The following TMPRSS9 variants were observed in gnomAD, a reference collection of about 807,000 sequenced individuals.
TMPRSS9 encodes transmembrane protease serine 9.
A neutral mutation model predicts 111.4 loss-of-function variants in TMPRSS9; 113 were observed. The ratio of observed to expected loss-of-function variants is 1.01; its 90% CI spans 0.87 to 1.19. The LOEUF (loss-of-function observed/expected upper bound fraction) is 1.19, where lower values mean the gene tolerates loss of function less well. Among genes scored for constraint, TMPRSS9 ranks in the 50% most tolerant of loss-of-function variants. TMPRSS9 has a pLI of 0.00. For synonymous variants in TMPRSS9, 805 were observed against 659.1 expected (o/e 1.22, Z -3.39); for missense variants, 1,803 against 1,513.1 (o/e 1.19, Z -3.18).
intron 1 of TMPRSS9, among the ~76,000 whole-genome samples, chr19:2,370,527 G>C (rs150956824): frequency 6.6e-6 from 1 of 151,666 alleles, no homozygotes; most frequent in Non-Finnish European, 1.5e-5. Flanking sequence ...TGGGGGTCTC[G>C]CTATGTTCCT....
chr19:2,404,008 AAG>A lies in TMPRSS9; in HGVS notation c.670+815_670+816del, dbSNP rs1491066781. Among the ~76,000 whole-genome samples the A allele has an allele frequency of 9.2e-4, 138 of 150,242 alleles. 4 individuals carry two copies. The highest frequency in any genetic ancestry group is 2.2e-3 in the African/African-American group (90 of 40,958). ...CTCTGTCTCAAAAAAAAAAAAAAAA[AAG>A]AAAAAAAAATTAGCCAGCGTGGTGG... On this transcript the variant is annotated intron_variant, in intron 6 of 17. Transcript: ENST00000648592.
intron 1 of TMPRSS9, among the ~76,000 whole-genome samples, chr19:2,394,659 A>C (rs909434644): frequency 6.6e-6 from 1 of 152,126 alleles, no homozygotes; most frequent in African/African-American, 2.4e-5. Context: ...TATTCTATCT[A>C]CTGAATATAT....
At chr19:2,368,774 G>GTTTGTTTTTTTTTTTTTTTTTTTTTT (rs1970265977) in intron 1 of TMPRSS9, among the ~76,000 whole-genome samples, 2 of 70,366 alleles carry the variant, frequency 2.8e-5, no homozygotes, top group African/African-American at 1.2e-4. Flanking sequence ...GATAAACCCA[G>GTTTGTTTTTTTTTTTTTTTTTTTTTT]TTTTTTTTTT....
exon 17 of TMPRSS9, chr19:2,425,379 G>A: frequency 6.5e-7 from 1 of 1,538,932 alleles, no homozygotes; most frequent in Non-Finnish European, 8.7e-7. Context: ...GGCAGCTGCA[G>A]AAGGCGGCCG....
chr19:2,414,784 T>C (rs1971184764), intron 10 of TMPRSS9, among the ~76,000 whole-genome samples: 1 of 149,948 alleles, frequency 6.7e-6, no homozygotes, highest in Non-Finnish European at 1.5e-5. Context: ...GGAGAATCGC[T>C]TGAACCCAGG....
exon 14 of TMPRSS9, chr19:2,421,967 G>T: frequency 6.2e-7 from 1 of 1,613,208 alleles, no homozygotes; most frequent in Non-Finnish European, 8.5e-7. Flanking sequence ...GCGTGTACAC[G>T]CGCATCACCA....
At chr19:2,413,012 G>C (rs1270942469) in intron 9 of TMPRSS9, among the ~76,000 whole-genome samples, 2 of 152,066 alleles carry the variant, frequency 1.3e-5, no homozygotes, top group Admixed American at 1.3e-4. Context: ...TGGCCAACAT[G>C]GTGAAACCCC....
chr19:2,424,205 G>A (rs1971539524), exon 15 of TMPRSS9: 2 of 1,453,006 alleles, frequency 1.4e-6, no homozygotes, highest in Non-Finnish European at 9.1e-7. Context: ...CCGTTGCGGG[G>A]CCGTGCTGGT....
intron 1 of TMPRSS9, among the ~76,000 whole-genome samples, chr19:2,373,442 C>A (rs1970305703): frequency 6.6e-6 from 1 of 151,734 alleles, no homozygotes; most frequent in African/African-American, 2.4e-5. Context: ...GTTGGCCAGG[C>A]TGGTCTCAAA....
At chr19:2,396,777 A>T in intron 2 of TMPRSS9, 111 bp downstream of exon 3, 1 of 1,426,144 alleles carries the variant, frequency 7.0e-7, no homozygotes. Flanking sequence ...AACGAAGCTG[A>T]GGTGGAGGCT....
At chr19:2,403,188 G>T in exon 6 of TMPRSS9, 1 of 1,606,050 alleles carries the variant, frequency 6.2e-7, no homozygotes, top group Non-Finnish European at 8.5e-7. Context: ...CCGACGAGGC[G>T]CACTGCGGTC....
chr19:2,413,050 C>T (rs911124961), intron 9 of TMPRSS9, among the ~76,000 whole-genome samples: 11 of 152,030 alleles, frequency 7.2e-5, no homozygotes, highest in African/African-American at 2.7e-4. Flanking sequence ...AAGAAATTAG[C>T]CGGGCGTGGT....
At chr19:2,361,973 TCTGTGTGG>T (rs1970202859) in intron 1 of TMPRSS9, among the ~76,000 whole-genome samples, 1 of 152,230 alleles carries the variant, frequency 6.6e-6, no homozygotes, top group Admixed American at 6.5e-5. Flanking sequence ...GGGTGAGTTG[TCTGTGTGG>T]CTGTGTGTGA....
At chr19:2,364,957 C>T (rs1193088986) in intron 1 of TMPRSS9, among the ~76,000 whole-genome samples, 4 of 147,642 alleles carry the variant, frequency 2.7e-5, no homozygotes, top group Admixed American at 2.1e-4. Context: ...CCAGCCTGGG[C>T]GACGGAGCGA....
intron 1 of TMPRSS9, among the ~76,000 whole-genome samples, chr19:2,381,680 G>T (rs554521511): frequency 9.9e-4 from 151 of 152,132 alleles, no homozygotes; most frequent in African/African-American, 3.6e-3. Flanking sequence ...GCTCTGGATG[G>T]TAGCGGCCAG....
intron 1 of TMPRSS9, among the ~76,000 whole-genome samples, chr19:2,378,200 C>T (rs1409519399): frequency 1.3e-5 from 2 of 152,136 alleles, no homozygotes; most frequent in Non-Finnish European, 2.9e-5. Flanking sequence ...TTATAAATCA[C>T]CCAGTCTCAG....
At chr19:2,363,276 CA>C (rs1970216873) in intron 1 of TMPRSS9, among the ~76,000 whole-genome samples, 2 of 152,124 alleles carry the variant, frequency 1.3e-5, no homozygotes, top group African/African-American at 2.4e-5. Context: ...AGTCCTTAGG[CA>C]AAAGGTGTTG....
exon 10 of TMPRSS9, chr19:2,413,743 G>A (rs540238106): frequency 2.9e-5 from 46 of 1,613,648 alleles, no homozygotes; most frequent in Middle Eastern, 1.6e-4. Context: ...CCCTCTGGCC[G>A]GTTCTTTCTG....
chr19:2,375,805 T>C (rs1766875435), intron 1 of TMPRSS9, among the ~76,000 whole-genome samples: 1 of 152,026 alleles, frequency 6.6e-6, no homozygotes, highest in Non-Finnish European at 1.5e-5. Context: ...ACACATACCC[T>C]AGAAAATTAC....
Sources: allele counts gnomAD v4.1 joint callset (sites outside exome capture counted in the v4.1 genomes callset), GRCh38; gene constraint gnomAD v4.1.1; transcripts MANE v1.5; gene names NCBI Gene and HGNC (gene_info 2026-07-23, HGNC 2026-07-21).